The following TEP1 variants were observed in gnomAD, a reference collection of about 807,000 sequenced individuals.
The protein encoded by TEP1 is telomerase protein component 1.
In TEP1, 241 loss-of-function variants were observed where a neutral mutation model predicts 306.3. The ratio of observed to expected loss-of-function variants is 0.79; its 90% confidence interval spans 0.71 to 0.88. The LOEUF (loss-of-function observed/expected upper bound fraction) is 0.88. Among genes scored for constraint, TEP1 ranks in the 40% least tolerant of loss-of-function variants. The pLI, the probability that TEP1 is intolerant of heterozygous loss-of-function variation, is 0.00. For synonymous variants in TEP1, 1,289 were observed against 1,305.5 expected (o/e 0.99, Z 0.27); for missense variants, 3,051 against 3,276.1 (o/e 0.93, Z 1.68).
At chr14:20,382,384 C>A (rs766775956) in intron 28 of TEP1, 28 bp from the exon 29 acceptor site, 1 of 1,589,528 alleles carries the variant, frequency 6.3e-7, no homozygotes. Flanking sequence ...CAGCCTTGTT[C>A]AGTGCAGTGG....
chr14:20,395,515 C>T lies in TEP1; in HGVS notation c.1863G>A (p.Met621Ile), dbSNP rs1274297958. The change falls in exon 12 of 55, where the codon ATG becomes ATA. Residue 621 changes from methionine to isoleucine, a missense_variant. By Grantham distance (10) the Met-to-Ile change is conservative. Coordinates refer to ENST00000262715, the MANE Select transcript of TEP1 (RefSeq NM_007110.5). ...LCHLSRQQLR[M>I]AMRIPVLYEQ... ...CATACAACACAGGTATCCTCATTGC[C>T]ATCCGAAGCTGCTGACGGCTTAGGT... 1 of 1,613,846 alleles carries T rather than the reference C, an allele frequency of 6.2e-7. No homozygotes were observed.
Position 20,391,091 on chromosome 14 carries a change from C to T in TEP1, c.2103G>A (p.Pro701=), listed in dbSNP as rs143456437. 865 of 1,613,930 alleles carry T rather than the reference C, an allele frequency of 5.4e-4. No individual in the cohort carries two copies. Among genetic ancestry groups the T allele is most frequent in the Middle Eastern group, 2.0e-3 (12 of 6,062 alleles). ...CAATCAACAGCAGTGCATAGTTCAG[C>T]GGGGGCTGATTGGACAAGTGTCAGG... is the stretch of plus-strand genomic sequence containing the variant. ...LCPKSNPQGP[P]LNYALLLIGM... Residue 701 remains proline, a synonymous_variant, in exon 14 of 55, where the codon CCG becomes CCA. Coordinates refer to ENST00000262715, the MANE Select transcript of TEP1 (RefSeq NM_007110.5).
chr14:20,383,854 TG>T lies in TEP1; in HGVS notation c.3598del (p.His1200ThrfsTer27), dbSNP rs767049887. ...CTGGTCAGGACGAGCCCCAGAAAAGTGGAAGAAGACTAATGATGCCACCTTG... is the reference window on the plus strand; with the variant it reads ...CTGGTCAGGACGAGCCCCAGAAAAGTGAAGAAGACTAATGATGCCACCTTG... ...GAKVASLVFF[H>X]FSGARPDQGL... On this transcript the variant is annotated frameshift_variant, in exon 25 of 55. Transcript: ENST00000262715. LOFTEE classifies it high-confidence loss of function. 5 of 1,604,222 alleles carry T rather than the reference TG, an allele frequency of 3.1e-6. No individual in the cohort carries two copies. The Admixed American group carries it at 8.4e-5, about 27-fold the overall frequency.
intron 48 of TEP1, 75 bp from the exon 49 acceptor site, chr14:20,372,932 A>T: frequency 1.2e-6 from 2 of 1,613,346 alleles, no homozygotes; most frequent in Admixed American, 3.3e-5. Flanking sequence ...CCAGGCACAT[A>T]TGCAACCTCT....
At chr14:20,396,071 T>C (rs1448884631) in intron 10 of TEP1, 122 bp from the exon 11 acceptor site, 10 of 595,630 alleles carry the variant, frequency 1.7e-5, no homozygotes, top group Admixed American at 2.9e-5. Flanking sequence ...AGACAAGAGA[T>C]ATAGAAAAGG....
intron 12 of TEP1, among the ~76,000 whole-genome samples, chr14:20,392,183 C>T (rs77685269): frequency 0.013 from 2,031 of 152,272 alleles, 38 homozygotes; most frequent in African/African-American, 0.047. Flanking sequence ...CAATCTATTT[C>T]CGGGTAACTA....
At position 20,373,693 on chromosome 14, in the gene TEP1, T is replaced by G; in HGVS notation, c.6589A>C (p.Met2197Leu). Residue 2197 changes from methionine to leucine, a missense_variant, in exon 45 of 55, where the codon ATG (methionine) becomes CTG (leucine). Transcript: ENST00000262715. ...GTTTTGTTACCTGCACGGGGCTCCA[T>G]GGCAGCTGCACAGTGGCTAATGGGT... ...SGPISHCAAA[M>L]EPRAAGQPGS... is the part of the protein sequence containing the mutation. The G allele has an allele frequency of 6.2e-7, 1 of 1,614,178 alleles. No individual in the cohort carries two copies. The highest frequency in any genetic ancestry group is 8.5e-7 in the Non-Finnish European group (1 of 1,180,042).
At chr14:20,388,756 A>G (rs557557501) in intron 17 of TEP1, among the ~76,000 whole-genome samples, 10 of 152,318 alleles carry the variant, frequency 6.6e-5, no homozygotes, top group African/African-American at 2.4e-4. Context: ...TTTGAGGATC[A>G]TGGAGCAATA....
rs756934772 is a variant in TEP1 at position 20,377,471 on chromosome 14, T to G, written c.5897A>C (p.Gln1966Pro). 3 of 1,614,020 alleles carry G rather than the reference T, an allele frequency of 1.9e-6. No homozygotes were observed. In the Admixed American group the frequency reaches 5.0e-5, roughly 27 times the overall value. ...ISSGSQGAQG[Q>P]ALDVAVSALA... ...GGCGGACACTGCCACATCCAGTGCC[T>G]GACCCTGAGCCCCCTGGGAACCTAG... The change falls in exon 41 of 55, where the codon CAG becomes CCG. Residue 1966 changes from glutamine (Q) to proline (P), a missense_variant. By Grantham distance (76) the Gln-to-Pro change is moderately conservative. Coordinates refer to ENST00000262715, the MANE Select transcript of TEP1 (RefSeq NM_007110.5).
Position 20,373,418 on chromosome 14 carries a change from G to T in TEP1, c.6682-16C>A. The T allele has an allele frequency of 6.2e-7, 1 of 1,614,086 alleles. No homozygotes were observed. ...TTTGGCACACCTAGGAGGAAGGGAT[G>T]GAGATGGGCTCATGAGAGTGGGCAC... On this transcript the variant is annotated splice_polypyrimidine_tract_variant and intron_variant, in intron 46 of 54. Transcript: ENST00000262715.
Position 20,386,440 on chromosome 14 carries a change from C to T in TEP1, c.2861+7G>A. On this transcript the variant is annotated splice_region_variant and intron_variant, in intron 19 of 54. Coordinates refer to ENST00000262715, the MANE Select transcript of TEP1 (RefSeq NM_007110.5). ...GACCCAGCCCCTCTTCTCTGCAGCCCCCACACCTGTTCCTACGGGTCTCCT... is the reference window on the plus strand; with the variant it reads ...GACCCAGCCCCTCTTCTCTGCAGCCTCCACACCTGTTCCTACGGGTCTCCT... The T allele has an allele frequency of 8.8e-6, 14 of 1,596,590 alleles. No homozygotes were observed. The highest frequency in any genetic ancestry group is 1.3e-5 in the African/African-American group (1 of 74,698).
intron 9 of TEP1, among the ~76,000 whole-genome samples, chr14:20,398,632 C>G (rs1007381848): frequency 1.3e-5 from 2 of 152,086 alleles, no homozygotes; most frequent in Admixed American, 1.3e-4. Context: ...TGGGTTCAAT[C>G]TGCATGGTAA....
In TEP1 at chr14:20,395,892, T is replaced by C. The variant is rs1878161319; in HGVS notation, c.1717A>G (p.Ile573Val). Residue 573 changes from isoleucine to valine, a missense_variant, in exon 11 of 55, where the codon ATT becomes GTT. Physicochemically the swap from Ile to Val is conservative, Grantham distance 29. Transcript: ENST00000262715. Reference sequence around the variant, plus strand: ...CTGAGTTGAGCCTCGAGGGCATCAATGGCATCATGGGCGTTAAGAAATCTG... The same window carrying C: ...CTGAGTTGAGCCTCGAGGGCATCAACGGCATCATGGGCGTTAAGAAATCTG... ...PFRFLNAHDA[I>V]DALEAQLRNQ... The C allele has an allele frequency of 6.2e-7, 1 of 1,614,098 alleles. No homozygotes were observed. The highest frequency in any genetic ancestry group is 8.5e-7 in the Non-Finnish European group (1 of 1,180,000).
At chr14:20,375,692 G>T in intron 43 of TEP1, 63 bp downstream of exon 43, 1 of 1,013,230 alleles carries the variant, frequency 9.9e-7, no homozygotes, top group Non-Finnish European at 1.6e-6. Flanking sequence ...GGACGAGGTG[G>T]GGAGTGTTGT....
At position 20,383,811 on chromosome 14, in the gene TEP1, C is replaced by G; in HGVS notation, c.3642G>C (p.Leu1214=). 1 of 1,609,602 alleles carries G rather than the reference C, an allele frequency of 6.2e-7. No individual in the cohort carries two copies. ...ARPDQGLALT[L]LRRLCTYLRG... is the part of the protein sequence containing the mutation. ...GCAGATAGGTACAGAGGCGTCTGAG[C>G]AGAGTGAGGGCAAGACCCTGGTCAG... Residue 1214 remains leucine, a synonymous_variant, in exon 25 of 55, where the codon CTG becomes CTC. Coordinates refer to ENST00000262715, the MANE Select transcript of TEP1 (RefSeq NM_007110.5).
Position 20,407,919 on chromosome 14 carries a change from G to C in TEP1, c.521C>G (p.Ala174Gly), listed in dbSNP as rs1003464696. The C allele has an allele frequency of 1.2e-6, 2 of 1,611,912 alleles. No individual in the cohort carries two copies. The highest frequency in any genetic ancestry group is 1.7e-6 in the Non-Finnish European group (2 of 1,178,892). The change falls in exon 2 of 55, where the codon GCC becomes GGC. Residue 174 changes from alanine to glycine, a missense_variant. By Grantham distance (60) the Ala-to-Gly change is moderately conservative. This residue lies in a region of TEP1 where 1,507 missense variants were observed against 1,550.5 expected (regional missense o/e 0.97). Coordinates refer to ENST00000262715, the MANE Select transcript of TEP1 (RefSeq NM_007110.5). ...KGLDLSTCPI[A>G]LKSISATETA... The stretch of plus-strand genomic sequence containing the variant: ...CTCTGTGGCAGAGATGGATTTCAGG[G>C]CTATAGGGCAGGTTGAAAGGTCTAG...
chr14:20,403,691 G>C (rs1048430457), intron 6 of TEP1, 32 bp downstream of exon 6: 16 of 1,612,406 alleles, frequency 9.9e-6, no homozygotes, highest in Non-Finnish European at 1.4e-5. Context: ...GGAGAAAAGG[G>C]GCGTGGGTCG....
intron 18 of TEP1, among the ~76,000 whole-genome samples, chr14:20,387,162 G>A (rs929480588): frequency 2.0e-5 from 3 of 150,582 alleles, no homozygotes; most frequent in Non-Finnish European, 3.0e-5. Context: ...TTGAACTCCC[G>A]ACCTCAGGTG....
intron 51 of TEP1, 69 bp downstream of exon 51, chr14:20,371,149 G>A: frequency 1.1e-5 from 15 of 1,362,502 alleles, no homozygotes; most frequent in Non-Finnish European, 1.5e-5. Flanking sequence ...CTCCATGACG[G>A]GCCCCAAGGT....
Sources: gnomAD v4.1 joint callset for allele counts (sites outside exome capture counted in the v4.1 genomes callset) on GRCh38, gnomAD v4.1.1 for gene constraint, gnomAD v4.1.1 regional missense constraint, MANE v1.5 for transcripts, NCBI Gene and HGNC (gene_info 2026-07-23, HGNC 2026-07-21) for gene names.